MDN1: variants seen among roughly 807,000 people sequenced by gnomAD.
The protein encoded by MDN1 is midasin.
In MDN1, 266 loss-of-function variants were observed where a neutral mutation model predicts 669.2. That is an observed-to-expected ratio of 0.40 (90% confidence interval 0.36 to 0.44). MDN1 has a LOEUF of 0.44. MDN1 is among the 20% of genes least tolerant of loss of function. The pLI is 1.00. For synonymous variants in MDN1, 2,385 were observed against 2,457.1 expected, an observed-to-expected ratio of 0.97 and a Z score of 0.87; for missense variants, 5,940 against 6,754.0, an observed-to-expected ratio of 0.88 and a Z score of 4.22.
intron 70 of MDN1, 122 bp downstream of exon 70, chr6:89,685,705 A>T: frequency 9.3e-7 from 1 of 1,070,468 alleles, no homozygotes; most frequent in East Asian, 2.6e-5. Context: ...CGCATTAAAC[A>T]TAACTAAATG....
chr6:89,725,533 G>A (rs1584271904), intron 37 of MDN1, 137 bp from the exon 38 acceptor site: 4 of 787,252 alleles, frequency 5.1e-6, no homozygotes, highest in Middle Eastern at 3.5e-4. Context: ...ATAACCTTCT[G>A]TATTTTTGGC....
intron 48 of MDN1, 70 bp from the exon 49 acceptor site, chr6:89,712,326 A>G (rs1296405053): frequency 7.3e-7 from 1 of 1,376,380 alleles, no homozygotes; most frequent in South Asian, 1.3e-5. Context: ...AATAACTGAG[A>G]AAACCTCTTT....
Position 89,650,774 on chromosome 6 carries a change from T to C in MDN1, c.15989A>G (p.Glu5330Gly), listed in dbSNP as rs776529476. 1.9e-5 allele frequency: 31 copies of C among 1,614,158 alleles called. No individual in the cohort carries two copies. The East Asian group carries it at 6.5e-4, about 34-fold the overall frequency. ...TAPLSQRLCE[E>G]LRLILEPTQA... ...GGTAGGCTCTAATATGAGACGAAGC[T>C]CTTCACATAACCGTTGTGAAAGAGG... is the stretch of plus-strand genomic sequence containing the variant. The change falls in exon 96 of 102, where the codon GAG becomes GGG. Residue 5330 changes from glutamate to glycine, a missense_variant. Transcript: ENST00000369393.
Position 89,648,827 on chromosome 6 carries a change from A to AC in MDN1, c.16207-499_16207-498insG, listed in dbSNP as rs984027876. On this transcript the variant is annotated intron_variant, in intron 97 of 101. Transcript: ENST00000369393. ...AACCCTGTCTTCAAAAAAAAAAAAA[A>AC]AAACAATTTAGCCGGGCATGGTGAC... Among the ~76,000 whole-genome samples the AC allele has an allele frequency of 4.0e-5, 6 of 151,288 alleles. No homozygotes were observed. The East Asian group carries it at 7.8e-4, about 20-fold the overall frequency.
intron 90 of MDN1, among the ~76,000 whole-genome samples, chr6:89,657,240 C>G (rs1809380779): frequency 6.6e-6 from 1 of 152,116 alleles, no homozygotes; most frequent in African/African-American, 2.4e-5. Context: ...TTCTGAAGTA[C>G]TGAAAATGCT....
rs528318440 is a variant in MDN1, at chr6:89,725,582, T to C, written c.5473-186A>G. Among the ~76,000 whole-genome samples, 3 of 152,242 alleles carry C rather than the reference T, an allele frequency of 2.0e-5. No individual in the cohort carries two copies. In the East Asian group the frequency reaches 5.8e-4, roughly 29 times the overall value. ...GTTTGTCTTCATTCTATTATGCTTT[T>C]GTTTTTGAGACAGGGTTTCACTCTG... On this transcript the variant is annotated intron_variant, in intron 37 of 101. Coordinates refer to ENST00000369393, the MANE Select transcript of MDN1 (RefSeq NM_014611.3).
intron 14 of MDN1, among the ~76,000 whole-genome samples, chr6:89,772,337 A>G (rs963296894): frequency 6.6e-6 from 1 of 152,206 alleles, no homozygotes; most frequent in Non-Finnish European, 1.5e-5. Flanking sequence ...ACATAATCCC[A>G]TATCTGTTTT....
chr6:89,683,413 C>T (rs1314987430), intron 72 of MDN1, 83 bp from the exon 73 acceptor site: 27 of 1,102,930 alleles, frequency 2.4e-5, no homozygotes, highest in East Asian at 7.7e-5. Flanking sequence ...TATCATGCAT[C>T]CATACATAAT....
In MDN1 at chr6:89,725,409, G is replaced by A; in HGVS notation, c.5473-13C>T. On this transcript the variant is annotated splice_polypyrimidine_tract_variant and intron_variant, in intron 37 of 101. Coordinates refer to ENST00000369393, the MANE Select transcript of MDN1 (RefSeq NM_014611.3). ...AAGCCAGGTTAAGCTATTTAAAGAA[G>A]AAAGTACATAATTTGTCTCAAATAT... 1 of 1,603,630 alleles carries A rather than the reference G, an allele frequency of 6.2e-7. No individual in the cohort carries two copies. The highest frequency in any genetic ancestry group is 8.5e-7 in the Non-Finnish European group (1 of 1,170,872).
intron 82 of MDN1, 70 bp downstream of exon 82, chr6:89,672,130 A>G (rs7764076): frequency 0.85 from 1,237,355 of 1,455,638 alleles, 527,570 homozygotes; most frequent in East Asian, 1. Flanking sequence ...CGTGGAGGGA[A>G]GTAAAGCCCA....
intron 13 of MDN1, among the ~76,000 whole-genome samples, chr6:89,773,222 T>C (rs549354436): frequency 6.6e-6 from 1 of 152,214 alleles, no homozygotes; most frequent in South Asian, 2.1e-4. Context: ...GGTGTCCTTA[T>C]AAGAGGAAGA....
chr6:89,743,855 C>T, intron 29 of MDN1, 141 bp from the exon 30 acceptor site: 1 of 877,542 alleles, frequency 1.1e-6, no homozygotes, highest in Non-Finnish European at 1.8e-6. Context: ...GAACCTCAAC[C>T]CCAGGCTCAT....
intron 58 of MDN1, 149 bp downstream of exon 58, chr6:89,699,452 A>AT: frequency 1.3e-6 from 1 of 742,806 alleles, no homozygotes; most frequent in Non-Finnish European, 2.0e-6. Context: ...AATATTTAAA[A>AT]TTCTTCCCTT....
chr6:89,730,625 A>T, intron 35 of MDN1, 101 bp downstream of exon 35: 2 of 893,542 alleles, frequency 2.2e-6, no homozygotes, highest in Non-Finnish European at 1.7e-6. Flanking sequence ...GTTAGTGCAA[A>T]TATAATCATG....
At chr6:89,806,775 A>G (rs1365775449) in intron 1 of MDN1, among the ~76,000 whole-genome samples, 1 of 151,880 alleles carries the variant, frequency 6.6e-6, no homozygotes. Flanking sequence ...TTTTTTAATT[A>G]GCTGGTGACG....
Position 89,746,112 on chromosome 6 carries a change from C to T in MDN1, c.3905-486G>A, listed in dbSNP as rs559210207. Reference sequence around the variant, plus strand: ...CAGCTAGGTGAAACTCAAGGACAGGCAAAATGCTGTTCAATCAGATTAGTA... The same window carrying T: ...CAGCTAGGTGAAACTCAAGGACAGGTAAAATGCTGTTCAATCAGATTAGTA... On this transcript the variant is annotated intron_variant, in intron 27 of 101. Coordinates refer to ENST00000369393, the MANE Select transcript of MDN1 (RefSeq NM_014611.3). Among the ~76,000 whole-genome samples, 27 of 152,244 alleles carry T rather than the reference C, an allele frequency of 1.8e-4. No individual in the cohort carries two copies. In the South Asian group the frequency reaches 5.6e-3, roughly 32 times the overall value.
chr6:89,775,971 G>A (rs528228667), intron 12 of MDN1, among the ~76,000 whole-genome samples: 24 of 152,050 alleles, frequency 1.6e-4, no homozygotes, highest in Non-Finnish European at 3.2e-4. Flanking sequence ...TTACAGGTGT[G>A]AGCCACCACA....
rs968743633 is a variant in MDN1 at position 89,688,644 on chromosome 6, C to T, written c.11188G>A (p.Val3730Met). The stretch of plus-strand genomic sequence containing the variant: ...ACAGCCTCTGAGAAACCTTGAAGCA[C>T]AGGTTGACACTGCCGTGCTTCTGGA... The part of the protein sequence containing the change: ...NVPEARQCQP[V>M]LQGFSEAVSH... Residue 3730 changes from valine to methionine, a missense_variant, in exon 66 of 102, where the codon GTG becomes ATG. By Grantham distance (21) the Val-to-Met change is conservative (BLOSUM62 1). Around this residue, in one of 5 missense-constraint regions of MDN1, gnomAD observed 2,280 missense variants for 2,576.3 expected, o/e 0.88. Coordinates refer to ENST00000369393, the MANE Select transcript of MDN1 (RefSeq NM_014611.3). 6.2e-7 allele frequency: 1 copy of T among 1,614,154 alleles called. No homozygotes were observed. The highest frequency in any genetic ancestry group is 8.5e-7 in the Non-Finnish European group (1 of 1,180,026).
In MDN1 at chr6:89,787,881, G is replaced by C. The variant is rs770879475; in HGVS notation, c.1307C>G (p.Pro436Arg). 2 of 1,613,466 alleles carry C rather than the reference G, an allele frequency of 1.2e-6. No homozygotes were observed. Among genetic ancestry groups the C allele is most frequent in the Admixed American group, 3.3e-5 (2 of 59,896 alleles). The change falls in exon 8 of 102, where the codon CCT (proline) becomes CGT (arginine). Residue 436 changes from proline (P) to arginine (R), a missense_variant. By Grantham distance (103) the Pro-to-Arg change is moderately radical. Coordinates refer to ENST00000369393, the MANE Select transcript of MDN1 (RefSeq NM_014611.3). ...PGRGDCLKVA[P>R]GFQFFATRRL... ...CCTGGTTGCAAAAAACTGAAATCCA[G>C]GTGCCACTTTCAGACAGTCACCTCG... is the stretch of plus-strand genomic sequence containing the variant.
Sources: gnomAD v4.1 joint callset for allele counts (sites outside exome capture counted in the v4.1 genomes callset) on GRCh38, gnomAD v4.1.1 for gene constraint, gnomAD v4.1.1 regional missense constraint, MANE v1.5 for transcripts, NCBI Gene and HGNC (gene_info 2026-07-23, HGNC 2026-07-21) for gene names.